Variants in SLC25A53 observed in about 807,000 individuals in gnomAD.
SLC25A53 encodes the protein solute carrier family 25 member 53.
Under a neutral mutation model 15.0 loss-of-function variants are expected in SLC25A53, and 5 were observed. The observed-to-expected ratio is 0.33, with a 90% confidence interval of 0.17 to 0.70. SLC25A53 has a LOEUF of 0.70. Ranked by LOEUF, SLC25A53 falls within the 30% of genes least tolerant of loss-of-function variation. SLC25A53 has a pLI of 0.67. For missense variants in SLC25A53, 216 were observed against 241.6 expected (o/e 0.89, Z 0.70); for synonymous variants, 95 against 100.0 (o/e 0.95, Z 0.30).
At position 104,099,897 on chromosome X, in the gene SLC25A53, G is replaced by C. The variant is rs1376279206; in HGVS notation, c.*4437C>G. The C allele has an allele frequency of 6.3e-5, 7 of 111,072 alleles. No individual in the cohort carries two copies. The highest frequency in any genetic ancestry group is 1.3e-4 in the Non-Finnish European group (7 of 52,985). The allele number at this position is 111,072 out of a possible 1,213,427, so 9.2% of individuals were successfully genotyped here. On this transcript the variant is annotated 3_prime_UTR_variant, in exon 2 of 2. Transcript: ENST00000594199. ...GTTTTCTTAATGAAATAGAAAGTAG[G>C]GTCACTAGTTGGAAATGATGAGGGA...
chrX:104,124,081 A>G (rs1556363652), intron 1 of SLC25A53, among the ~76,000 whole-genome samples: 1 of 111,535 alleles, frequency 9.0e-6, no homozygotes, highest in Non-Finnish European at 1.9e-5. Context: ...TATACACAGT[A>G]ATGGGATTGC....
intron 1 of SLC25A53, among the ~76,000 whole-genome samples, chrX:104,108,857 C>T (rs1223910853): frequency 8.9e-6 from 1 of 112,062 alleles, no homozygotes; most frequent in Admixed American, 9.5e-5. Flanking sequence ...TCCACTAAAT[C>T]ATTGTGGGTA....
intron 1 of SLC25A53, chrX:104,115,261 C>T: frequency 8.4e-7 from 1 of 1,195,724 alleles, no homozygotes; most frequent in Non-Finnish European, 1.1e-6. Flanking sequence ...GGAGCTGACA[C>T]ATACAGAGGA....
chrX:104,113,200 C>T (rs1290826162), intron 1 of SLC25A53: 1 of 111,439 alleles, frequency 9.0e-6, no homozygotes, highest in African/African-American at 3.3e-5. Context: ...GGCAGGTCAT[C>T]AAAGCCGAAT....
intron 1 of SLC25A53, among the ~76,000 whole-genome samples, chrX:104,141,243 G>A (rs1396348860): frequency 1.8e-5 from 2 of 111,370 alleles, no homozygotes; most frequent in Admixed American, 1.9e-4. Flanking sequence ...CTTTTGCTCA[G>A]TGATAGCCTT....
At chrX:104,156,822 G>C (rs2075502952) in intron 1 of SLC25A53, 56 bp downstream of exon 1, 1 of 111,634 alleles carries the variant, frequency 9.0e-6, no homozygotes, top group Non-Finnish European at 1.9e-5. Context: ...CCGTTTGCCT[G>C]CTAGGCTGGA....
chrX:104,136,165 C>CAATATGCATACACATTATATATGTATAT (rs1556366413), intron 1 of SLC25A53, among the ~76,000 whole-genome samples: 12 of 111,154 alleles, frequency 1.1e-4, no homozygotes, highest in Non-Finnish European at 1.7e-4. Flanking sequence ...TATATGTATA[C>CAATATGCATACACATTATATATGTATAT]AATATGCATA....
chrX:104,102,849 C>T lies in SLC25A53; in HGVS notation c.*1485G>A, dbSNP rs1266299931. ...GAAGTGCTGTTAGAAAGGGGCATCA[C>T]AGAGGCTGGGCGCGGTGGCTCACGC... is the stretch of plus-strand genomic sequence containing the variant. On this transcript the variant is annotated 3_prime_UTR_variant, in exon 2 of 2. Coordinates refer to ENST00000594199, the MANE Select transcript of SLC25A53 (RefSeq NM_001012755.5). The T allele has an allele frequency of 8.9e-6, 1 of 111,904 alleles. No homozygotes were observed. The highest frequency in any genetic ancestry group is 9.5e-5 in the Admixed American group (1 of 10,560). 9.2% of individuals were successfully genotyped at this position (111,904 alleles called of 1,213,427 possible). A position where few individuals can be genotyped will look rare whatever the true frequency, so the allele number is the denominator to read the frequency against.
rs868962908 is a variant in SLC25A53 at position 104,121,922 on chromosome X, T to G, written c.-31-16634A>C. On this transcript the variant is annotated intron_variant, in intron 1 of 1. Coordinates refer to ENST00000594199, the MANE Select transcript of SLC25A53 (RefSeq NM_001012755.5). ...ATATATATATATATATATATATATA[T>G]ATATATATATATATGAACATAGATA... is the stretch of plus-strand genomic sequence containing the variant. Among the ~76,000 whole-genome samples the G allele has an allele frequency of 6.9e-3, 315 of 45,340 alleles. 7 individuals carry two copies. The highest frequency in any genetic ancestry group is 0.024 in the African/African-American group (298 of 12,449). The allele number at this position is 45,340 out of a possible 115,157, so 39.4% of individuals were successfully genotyped here.
intron 1 of SLC25A53, among the ~76,000 whole-genome samples, chrX:104,123,500 G>C (rs1310425583): frequency 8.9e-6 from 1 of 112,313 alleles, no homozygotes; most frequent in Non-Finnish European, 1.9e-5. Flanking sequence ...AGAAATTTGA[G>C]AGAAATTGTT....
intron 1 of SLC25A53, among the ~76,000 whole-genome samples, chrX:104,149,975 G>A (rs1405457323): frequency 9.0e-6 from 1 of 111,211 alleles, no homozygotes; most frequent in Non-Finnish European, 1.9e-5. Context: ...GCTCATTCCT[G>A]TAATCTCAAT....
intron 1 of SLC25A53, among the ~76,000 whole-genome samples, chrX:104,140,684 GA>G (rs1195023689): frequency 1.8e-5 from 2 of 111,140 alleles, no homozygotes; most frequent in Non-Finnish European, 3.8e-5. Flanking sequence ...CATCTCTGGG[GA>G]AAAAAATGAG....
chrX:104,111,442 T>C (rs2147865878), intron 1 of SLC25A53, among the ~76,000 whole-genome samples: 1 of 110,358 alleles, frequency 9.1e-6, no homozygotes, highest in East Asian at 2.8e-4. Context: ...CAAAGGGCTG[T>C]CGAAATTATG....
At chrX:104,127,984 C>CA (rs1185551502) in intron 1 of SLC25A53, among the ~76,000 whole-genome samples, 122 of 105,504 alleles carry the variant, frequency 1.2e-3, no homozygotes, top group African/African-American at 2.7e-3. Context: ...AAAAAACAAA[C>CA]AAAAAAAAAA....
intron 1 of SLC25A53, among the ~76,000 whole-genome samples, chrX:104,139,114 T>A (rs1416526896): frequency 8.9e-6 from 1 of 112,909 alleles, no homozygotes; most frequent in Non-Finnish European, 1.9e-5. Flanking sequence ...TTTAAAGGGA[T>A]CATGCTCTTC....
At chrX:104,121,480 A>T (rs2075392621) in intron 1 of SLC25A53, among the ~76,000 whole-genome samples, 1 of 110,994 alleles carries the variant, frequency 9.0e-6, no homozygotes, top group South Asian at 3.8e-4. Flanking sequence ...TTTCACAGGA[A>T]CCAGAGCAGA....
chrX:104,126,078 G>A (rs2075409897), intron 1 of SLC25A53, among the ~76,000 whole-genome samples: 1 of 111,248 alleles, frequency 9.0e-6, no homozygotes, highest in African/African-American at 3.3e-5. Flanking sequence ...AGGTTGAGGC[G>A]AGAGGATCAC....
intron 1 of SLC25A53, among the ~76,000 whole-genome samples, chrX:104,109,473 G>C (rs782361335): frequency 8.9e-6 from 1 of 112,497 alleles, no homozygotes; most frequent in Admixed American, 9.4e-5. Context: ...TGGTATATAA[G>C]TTGCTTCATA....
chrX:104,113,967 TA>T, intron 1 of SLC25A53: 1 of 994,374 alleles, frequency 1.0e-6, no homozygotes, highest in East Asian at 3.3e-5. Context: ...ACTATCTTAT[TA>T]ACCTTTTTTA....
Sources: gnomAD v4.1 joint callset for allele counts (sites outside exome capture counted in the v4.1 genomes callset) on GRCh38, gnomAD v4.1.1 for gene constraint, MANE v1.5 for transcripts, NCBI Gene and HGNC (gene_info 2026-07-23, HGNC 2026-07-21) for gene names.